The following TYW1B variants were observed in gnomAD, a reference collection of about 807,000 sequenced individuals.
The protein encoded by TYW1B is S-adenosyl-L-methionine-dependent tRNA 4-demethylwyosine synthase TYW1B.
Under a neutral mutation model 86.9 loss-of-function variants are expected in TYW1B, and 73 were observed. That is an observed-to-expected ratio of 0.84 (90% CI 0.70 to 1.02). The LOEUF (loss-of-function observed/expected upper bound fraction) is 1.02. TYW1B is among the 50% of genes least tolerant of loss of function. TYW1B has a pLI of 0.00. For missense variants in TYW1B, 637 were observed against 827.4 expected (o/e 0.77, Z 2.82); for synonymous variants, 248 against 292.8 (o/e 0.85, Z 1.56).
chr7:72,617,463 T>C (rs1216036256), intron 12 of TYW1B, among the ~76,000 whole-genome samples: 1 of 152,092 alleles, frequency 6.6e-6, no homozygotes, highest in African/African-American at 2.4e-5. Flanking sequence ...CACTTCCTGG[T>C]TCAAGAGAGT....
At chr7:72,782,974 G>T (rs1272237664) in intron 6 of TYW1B, among the ~76,000 whole-genome samples, 1 of 152,198 alleles carries the variant, frequency 6.6e-6, no homozygotes, top group African/African-American at 2.4e-5. Flanking sequence ...GCCAGCACAG[G>T]ATGGGCATTC....
chr7:72,666,832 C>A (rs375678034), intron 11 of TYW1B, among the ~76,000 whole-genome samples: 1 of 151,818 alleles, frequency 6.6e-6, no homozygotes, highest in African/African-American at 2.4e-5. Flanking sequence ...GAGATCAAGA[C>A]CATCCTGGCT....
chr7:72,663,525 G>A (rs1157997402), intron 11 of TYW1B, among the ~76,000 whole-genome samples: 8 of 151,866 alleles, frequency 5.3e-5, no homozygotes, highest in African/African-American at 1.7e-4. Flanking sequence ...TTGGGAGGCC[G>A]AAGCGGGCAG....
At chr7:72,591,570 A>C (rs529981050) in intron 13 of TYW1B, among the ~76,000 whole-genome samples, 1 of 152,300 alleles carries the variant, frequency 6.6e-6, no homozygotes, top group African/African-American at 2.4e-5. Flanking sequence ...GTCAACCAGG[A>C]ATCCTATACT....
At chr7:72,695,047 T>C (rs1212393354) in intron 10 of TYW1B, among the ~76,000 whole-genome samples, 3 of 152,132 alleles carry the variant, frequency 2.0e-5, no homozygotes, top group Non-Finnish European at 4.4e-5. Flanking sequence ...ATTGAAAATA[T>C]TGAATTACTT....
At chr7:72,604,989 G>A (rs554114744) in intron 13 of TYW1B, among the ~76,000 whole-genome samples, 54 of 152,212 alleles carry the variant, frequency 3.5e-4, no homozygotes, top group East Asian at 2.3e-3. Context: ...TATCCTAGCC[G>A]CTAAGTAGCC....
intron 7 of TYW1B, among the ~76,000 whole-genome samples, chr7:72,773,410 G>C (rs1347284545): frequency 2.0e-5 from 3 of 152,182 alleles, no homozygotes; most frequent in Non-Finnish European, 4.4e-5. Flanking sequence ...TGATCCCATA[G>C]AGATAGGAAA....
chr7:72,779,845 C>A (rs1585978247), intron 6 of TYW1B, among the ~76,000 whole-genome samples: 3 of 137,960 alleles, frequency 2.2e-5, no homozygotes, highest in Admixed American at 7.4e-5. Context: ...TTTAGAGAAT[C>A]AAATGTACCA....
Position 72,744,567 on chromosome 7 carries a change from T to C in TYW1B, c.999A>G (p.Thr333=). The change falls in exon 8 of 14, where the codon ACA becomes ACG. Residue 333 remains threonine, a synonymous_variant. Coordinates refer to ENST00000620995, the MANE Select transcript of TYW1B (RefSeq NM_001145440.3). ...GATGGCTCTCATTCCATAGAATGTG[T>C]GTTTGTAACAAGCTCCTCTCCCTCG... ...DAPRERSLLQ[T]HILWNESHRC... 1 of 1,613,688 alleles carries C rather than the reference T, an allele frequency of 6.2e-7. No individual in the cohort carries two copies. Among genetic ancestry groups the C allele is most frequent in the South Asian group, 1.1e-5 (1 of 91,072 alleles).
At chr7:72,820,157 C>T (rs1788801738) in intron 2 of TYW1B, among the ~76,000 whole-genome samples, 1 of 152,082 alleles carries the variant, frequency 6.6e-6, no homozygotes, top group Admixed American at 6.6e-5. Flanking sequence ...CACCTGTAGT[C>T]CCAGCTACTC....
chr7:72,578,238 C>T (rs1308546964), intron 13 of TYW1B, among the ~76,000 whole-genome samples: 7 of 151,928 alleles, frequency 4.6e-5, no homozygotes, highest in African/African-American at 1.7e-4. Context: ...CTCAGCCTCC[C>T]GAGTAGCTGG....
At chr7:72,611,872 C>T (rs1811941422) in intron 13 of TYW1B, among the ~76,000 whole-genome samples, 1 of 152,182 alleles carries the variant, frequency 6.6e-6, no homozygotes, top group African/African-American at 2.4e-5. Context: ...CAGTCGTTTT[C>T]CCCACTAAAC....
intron 7 of TYW1B, among the ~76,000 whole-genome samples, chr7:72,763,282 C>CTTTT (rs1328471948): frequency 2.5e-5 from 3 of 118,390 alleles, no homozygotes; most frequent in Admixed American, 2.0e-4. Flanking sequence ...CTTTTCTTTT[C>CTTTT]TTTTTTTTTT....
At chr7:72,660,370 T>C (rs1480698845) in intron 11 of TYW1B, among the ~76,000 whole-genome samples, 8 of 151,892 alleles carry the variant, frequency 5.3e-5, no homozygotes, top group Admixed American at 4.6e-4. Context: ...CAAGTCCCTG[T>C]CTCCAAACAA....
chr7:72,763,335 T>G (rs1469375430), intron 7 of TYW1B, among the ~76,000 whole-genome samples: 1 of 148,772 alleles, frequency 6.7e-6, no homozygotes, highest in Non-Finnish European at 1.5e-5. Flanking sequence ...TAGGCTGGAG[T>G]GCAGTGGCGT....
At chr7:72,801,543 C>A (rs1375379073) in intron 6 of TYW1B, among the ~76,000 whole-genome samples, 1 of 143,076 alleles carries the variant, frequency 7.0e-6, no homozygotes, top group Non-Finnish European at 1.5e-5. Flanking sequence ...TTTCTAGTAG[C>A]TTTTTTTTTT....
intron 10 of TYW1B, among the ~76,000 whole-genome samples, chr7:72,712,559 C>T (rs1462894052): frequency 2.6e-5 from 4 of 152,198 alleles, no homozygotes; most frequent in Non-Finnish European, 5.9e-5. Context: ...AACTCTCAAC[C>T]TCAGGTGATC....
chr7:72,776,597 C>T (rs1224602131), intron 7 of TYW1B, among the ~76,000 whole-genome samples: 1 of 133,418 alleles, frequency 7.5e-6, no homozygotes, highest in Non-Finnish European at 1.6e-5. Context: ...AGTGTAAAAC[C>T]TTGGGCAACT....
Position 72,574,733 on chromosome 7 carries a change from G to A in TYW1B, c.*765C>T, listed in dbSNP as rs782490493. 5.4e-5 allele frequency: 53 copies of A among 985,218 alleles called. No individual in the cohort carries two copies. Among genetic ancestry groups the A allele is most frequent in the Admixed American group, 6.2e-5 (1 of 16,240 alleles). The allele number at this position is 985,218 out of a possible 1,614,324, so 61.0% of individuals were successfully genotyped here. On this transcript the variant is annotated 3_prime_UTR_variant, in exon 14 of 14. Coordinates refer to ENST00000620995, the MANE Select transcript of TYW1B (RefSeq NM_001145440.3). The stretch of plus-strand genomic sequence containing the variant: ...TGAGAGGCCCGGACAGTGACCTCAC[G>A]AACAAAAAGAAATGATCCTCTTCAG...
Sources: gnomAD v4.1 joint callset for allele counts (sites outside exome capture counted in the v4.1 genomes callset) on GRCh38, gnomAD v4.1.1 for gene constraint, MANE v1.5 for transcripts, NCBI Gene and HGNC (gene_info 2026-07-23, HGNC 2026-07-21) for gene names.